Variants in ADCY7 observed in about 807,000 individuals in gnomAD.
ADCY7 encodes adenylate cyclase type 7.
In ADCY7, 72 loss-of-function variants were observed where a neutral mutation model predicts 120.6. The ratio of observed to expected loss-of-function variants is 0.60; its 90% confidence interval spans 0.49 to 0.73. ADCY7 has a LOEUF of 0.73. Among genes scored for constraint, ADCY7 ranks in the 30% least tolerant of loss-of-function variants. ADCY7 has a pLI of 0.00. For synonymous variants in ADCY7, 661 were observed against 628.0 expected, an observed-to-expected ratio of 1.05 and a Z score of -0.78; for missense variants, 1,227 against 1,486.0, an observed-to-expected ratio of 0.83 and a Z score of 2.87.
chr16:50,312,076 A>T lies in ADCY7; in HGVS notation c.2489A>T (p.Lys830Met), dbSNP rs373417400. ...YCRLDCLWKK[K>M]FKKEHEEFET... ...CGCTTGGACTGCCTATGGAAGAAGA[A>T]GTTCAAGAAGGAGCACGAGGAGTTT... Residue 830 changes from lysine (K) to methionine (M), a missense_variant, in exon 21 of 26, where the codon AAG (lysine) becomes ATG (methionine). Lys to Met is a moderately conservative substitution (Grantham distance 95). Coordinates refer to ENST00000673801, the MANE Select transcript of ADCY7 (RefSeq NM_001114.5). 551 of 1,614,236 alleles carry T rather than the reference A, an allele frequency of 3.4e-4. 1 individual carries two copies. Among genetic ancestry groups the T allele is most frequent in the Admixed American group, 7.2e-4 (43 of 60,028 alleles).
At chr16:50,246,656 A>C (rs1394075805) in intron 1 of ADCY7, among the ~76,000 whole-genome samples, 1 of 152,148 alleles carries the variant, frequency 6.6e-6, no homozygotes, top group African/African-American at 2.4e-5. Context: ...GTGGGTCTGC[A>C]GCGCTCCCGC....
intron 1 of ADCY7, among the ~76,000 whole-genome samples, chr16:50,256,564 G>A (rs539478683): frequency 6.6e-6 from 1 of 152,244 alleles, no homozygotes; most frequent in African/African-American, 2.4e-5. Flanking sequence ...CAAGGCAGGT[G>A]TGGCAGCGTG....
At chr16:50,314,948 C>G in intron 24 of ADCY7, 66 bp from the exon 25 acceptor site, 1 of 1,589,942 alleles carries the variant, frequency 6.3e-7, no homozygotes, top group Admixed American at 1.8e-5. Flanking sequence ...ATTCTCTGGC[C>G]TCCTCTAAGG....
At position 50,304,345 on chromosome 16, in the gene ADCY7, C is replaced by G; in HGVS notation, c.1369-15C>G. The G allele has an allele frequency of 6.7e-7, 1 of 1,493,356 alleles. No individual in the cohort carries two copies. The highest frequency in any genetic ancestry group is 8.9e-7 in the Non-Finnish European group (1 of 1,119,234). 92.5% of individuals were successfully genotyped at this position (1,493,356 alleles called of 1,614,324 possible). The stretch of plus-strand genomic sequence containing the variant: ...GGAGGAGGTGGCACAGGCCCATGTC[C>G]ATGTCTGCCCGCAGAGCCAGCAGCC... On this transcript the variant is annotated splice_polypyrimidine_tract_variant and intron_variant, in intron 10 of 25. Transcript: ENST00000673801.
At chr16:50,246,246 T>A (rs1345831723) in intron 1 of ADCY7, 1 of 149,836 alleles carries the variant, frequency 6.7e-6, no homozygotes, top group African/African-American at 2.4e-5. Flanking sequence ...GGGCCGGGGA[T>A]GCGCCCGGGG....
At chr16:50,255,402 G>GAAAAAAAAAAAAA (rs60335173) in intron 1 of ADCY7, among the ~76,000 whole-genome samples, 9 of 108,136 alleles carry the variant, frequency 8.3e-5, no homozygotes, top group African/African-American at 3.3e-4. Context: ...TCTGTTTCTG[G>GAAAAAAAAAAAAA]AAAAAAAAAA....
intron 8 of ADCY7, among the ~76,000 whole-genome samples, chr16:50,299,567 C>T (rs190955348): frequency 8.3e-4 from 126 of 152,350 alleles, no homozygotes; most frequent in African/African-American, 3.0e-3. Context: ...CCCAGCCAGG[C>T]TGACCAGTGT....
At chr16:50,273,802 C>G (rs551007823) in intron 1 of ADCY7, among the ~76,000 whole-genome samples, 2 of 152,336 alleles carry the variant, frequency 1.3e-5, no homozygotes, top group South Asian at 2.1e-4. Flanking sequence ...CTGTACCCCC[C>G]AGTCTGTGGA....
chr16:50,313,157 C>A, intron 22 of ADCY7, 121 bp downstream of exon 22: 1 of 1,372,952 alleles, frequency 7.3e-7, no homozygotes, highest in Non-Finnish European at 9.8e-7. Flanking sequence ...GCAAGGTGGT[C>A]TATAATCCCA....
Position 50,311,806 on chromosome 16 carries a change from C to CG in ADCY7, c.2448+20_2448+21insG, listed in dbSNP as rs756745161. On this transcript the variant is annotated intron_variant, in intron 20 of 25. Coordinates refer to ENST00000673801, the MANE Select transcript of ADCY7 (RefSeq NM_001114.5). ...AGACAGGTAAGGAGGCTGGCCCCCC[C>CG]CCCCCCCCCAAGCTCTGCCCACTTT... The CG allele has an allele frequency of 8.6e-5, 114 of 1,327,068 alleles. No individual in the cohort carries two copies. The African/African-American group carries it at 1.5e-3, about 17-fold the overall frequency. 82.2% of individuals were successfully genotyped at this position (1,327,068 alleles called of 1,614,324 possible). A position where few individuals can be genotyped will look rare whatever the true frequency, so the allele number is the denominator to read the frequency against.
intron 1 of ADCY7, among the ~76,000 whole-genome samples, chr16:50,271,541 C>G (rs1235934076): frequency 6.6e-6 from 1 of 152,172 alleles, no homozygotes; most frequent in East Asian, 1.9e-4. Flanking sequence ...AGAAGGTCCT[C>G]CCTGTTCTAG....
chr16:50,270,992 C>T (rs1484870783), intron 1 of ADCY7, among the ~76,000 whole-genome samples: 1 of 152,196 alleles, frequency 6.6e-6, no homozygotes, highest in Non-Finnish European at 1.5e-5. Context: ...TCTGGCCTGA[C>T]CTGCTGCTGC....
intron 6 of ADCY7, 74 bp from the exon 7 acceptor site, chr16:50,294,566 A>G: frequency 1.0e-6 from 1 of 1,000,300 alleles, no homozygotes; most frequent in Non-Finnish European, 1.5e-6. Context: ...GGCTCCAGAC[A>G]GTCCTGCGTG....
intron 1 of ADCY7, among the ~76,000 whole-genome samples, chr16:50,273,844 A>G (rs1255950668): frequency 3.3e-5 from 5 of 152,122 alleles, no homozygotes; most frequent in Non-Finnish European, 5.9e-5. Flanking sequence ...TGTACCAGGC[A>G]GGGTTAGATC....
chr16:50,257,489 C>T (rs1596795832), intron 1 of ADCY7, among the ~76,000 whole-genome samples: 1 of 152,058 alleles, frequency 6.6e-6, no homozygotes, highest in African/African-American at 2.4e-5. Context: ...GTGCTAAATA[C>T]TTGAGGTGAT....
intron 20 of ADCY7, 74 bp downstream of exon 20, chr16:50,311,860 G>C: frequency 7.2e-6 from 10 of 1,393,582 alleles, no homozygotes; most frequent in Non-Finnish European, 1.0e-5. Flanking sequence ...GATGGGGTGG[G>C]GTGGGGTGGG....
intron 1 of ADCY7, among the ~76,000 whole-genome samples, chr16:50,283,301 C>A (rs955272958): frequency 2.0e-5 from 3 of 152,160 alleles, no homozygotes; most frequent in African/African-American, 7.2e-5. Flanking sequence ...CTCCTGTGAC[C>A]CCAGGAGGTG....
In ADCY7 at chr16:50,299,179, C is replaced by A. The variant is rs1392546663; in HGVS notation, c.1076+148C>A. 4 of 1,071,830 alleles carry A rather than the reference C, an allele frequency of 3.7e-6. 1 individual carries two copies. In the South Asian group the frequency reaches 5.0e-5, roughly 13 times the overall value. The allele number at this position is 1,071,830 out of a possible 1,614,324, so 66.4% of individuals were successfully genotyped here. A position where few individuals can be genotyped will look rare whatever the true frequency, so the allele number is the denominator to read the frequency against. Reference sequence around the variant, plus strand: ...AAAGCAGCTTGCCTGGACCACCCAGCCTGCTGGAGGATTCAGACTTCATCT... The same window carrying A: ...AAAGCAGCTTGCCTGGACCACCCAGACTGCTGGAGGATTCAGACTTCATCT... On this transcript the variant is annotated intron_variant, in intron 8 of 25. Transcript: ENST00000673801.
rs1316210392 is a variant in ADCY7 at position 50,314,998 on chromosome 16, T to C, written c.2972-16T>C. 6 of 1,613,880 alleles carry C rather than the reference T, an allele frequency of 3.7e-6. No homozygotes were observed. The highest frequency in any genetic ancestry group is 3.4e-6 in the Non-Finnish European group (4 of 1,179,956). ...CTTTGCCTGCACGCTTGGGTAACTG[T>C]AAACATCATCTTCAGGCATAAACCA... is the stretch of plus-strand genomic sequence containing the variant. On this transcript the variant is annotated splice_polypyrimidine_tract_variant and intron_variant, in intron 24 of 25. Transcript: ENST00000673801.
Sources: gnomAD v4.1 joint callset for allele counts (sites outside exome capture counted in the v4.1 genomes callset) on GRCh38, gnomAD v4.1.1 for gene constraint, MANE v1.5 for transcripts, NCBI Gene and HGNC (gene_info 2026-07-23, HGNC 2026-07-21) for gene names.